Variants in CLASP1 observed in about 807,000 individuals in gnomAD.
The protein encoded by CLASP1 is cytoplasmic linker associated protein 1.
CLASP1 carries 38 observed loss-of-function variants against 192.3 expected under a neutral mutation model. The observed-to-expected ratio is 0.20, with a 90% CI of 0.15 to 0.26. The LOEUF is 0.26. Among genes scored for constraint, CLASP1 ranks in the 10% least tolerant of loss-of-function variants. The pLI, the probability that CLASP1 is intolerant of heterozygous loss-of-function variation, is 1.00. For synonymous variants in CLASP1, 691 were observed against 712.8 expected (o/e 0.97, Z 0.49); for missense variants, 1,433 against 1,932.5 (o/e 0.74, Z 4.85).
chr2:121,466,689 A>G (rs1215168007), intron 9 of CLASP1, among the ~76,000 whole-genome samples: 2 of 152,232 alleles, frequency 1.3e-5, no homozygotes, highest in Admixed American at 6.5e-5. Context: ...AACTGTCTAC[A>G]TTAGGGGTGA....
intron 2 of CLASP1, among the ~76,000 whole-genome samples, chr2:121,574,634 CAAA>C (rs1173756631): frequency 2.5e-5 from 2 of 79,024 alleles, no homozygotes; most frequent in Non-Finnish European, 5.4e-5. Flanking sequence ...GACTCCATAT[CAAA>C]AAAAAAAAAA....
At chr2:121,371,116 C>T (rs985753507) in intron 34 of CLASP1, among the ~76,000 whole-genome samples, 1 of 152,008 alleles carries the variant, frequency 6.6e-6, no homozygotes, top group Non-Finnish European at 1.5e-5. Flanking sequence ...AAAAATACAC[C>T]CTATAGTGTT....
intron 1 of CLASP1, among the ~76,000 whole-genome samples, chr2:121,606,761 A>G (rs1447792515): frequency 1.3e-5 from 2 of 152,248 alleles, no homozygotes; most frequent in African/African-American, 4.8e-5. Flanking sequence ...AAAGAAAGAC[A>G]CAAAAAGAGA....
intron 18 of CLASP1, among the ~76,000 whole-genome samples, chr2:121,447,791 G>A (rs1574942758): frequency 1.3e-5 from 2 of 152,058 alleles, no homozygotes; most frequent in Non-Finnish European, 2.9e-5. Flanking sequence ...TGCTTACTAC[G>A]AAGAAGTGAA....
At chr2:121,595,912 ATATAC>A (rs2063083683) in intron 2 of CLASP1, among the ~76,000 whole-genome samples, 1 of 152,238 alleles carries the variant, frequency 6.6e-6, no homozygotes, top group South Asian at 2.1e-4. Flanking sequence ...ACATGGGCTT[ATATAC>A]ATGGGCTTAC....
At chr2:121,472,144 C>A (rs773840226) in intron 8 of CLASP1, among the ~76,000 whole-genome samples, 1 of 152,276 alleles carries the variant, frequency 6.6e-6, no homozygotes, top group African/African-American at 2.4e-5. Context: ...GACACTATCA[C>A]GCTTCACTCA....
At chr2:121,501,644 A>G (rs951434332) in intron 8 of CLASP1, among the ~76,000 whole-genome samples, 6 of 152,234 alleles carry the variant, frequency 3.9e-5, no homozygotes, top group Admixed American at 6.5e-5. Flanking sequence ...TTTTTAGATC[A>G]CTTTAGGTAT....
chr2:121,490,315 A>T lies in CLASP1; in HGVS notation c.712+12852T>A, dbSNP rs559663995. The T allele has an allele frequency of 3.7e-5, 17 of 454,462 alleles. No homozygotes were observed. The East Asian group carries it at 1.1e-3, about 28-fold the overall frequency. The allele number at this position is 454,462 out of a possible 1,614,324, so 28.2% of individuals were successfully genotyped here. ...ATTGTCAGTAATCCTGGTACCAAAT[A>T]AAAACACTGCTCTGAAAGCTATACC... On this transcript the variant is annotated intron_variant, in intron 8 of 39. Coordinates refer to ENST00000263710, the Ensembl canonical transcript of CLASP1.
At position 121,615,976 on chromosome 2, in the gene CLASP1, C is replaced by A. The variant is rs1157895276; in HGVS notation, c.-285-9796G>T. The stretch of plus-strand genomic sequence containing the variant: ...AGTTCAAAGCATGGGCATTTACTAA[C>A]TGAAACATGAAAATGTTTCAGCTAC... On this transcript the variant is annotated intron_variant, in intron 1 of 39. Coordinates refer to ENST00000263710, the Ensembl canonical transcript of CLASP1. Among the ~76,000 whole-genome samples, 5 of 152,216 alleles carry A rather than the reference C, an allele frequency of 3.3e-5. No individual in the cohort carries two copies. The East Asian group carries it at 9.6e-4, about 29-fold the overall frequency.
intron 19 of CLASP1, among the ~76,000 whole-genome samples, chr2:121,441,325 G>A (rs2083304239): frequency 6.6e-6 from 1 of 151,692 alleles, no homozygotes; most frequent in South Asian, 2.1e-4. Flanking sequence ...CTGCTTGGGG[G>A]CATAATTAAA....
chr2:121,613,632 A>ATT (rs2065982100), intron 1 of CLASP1, among the ~76,000 whole-genome samples: 3 of 148,604 alleles, frequency 2.0e-5, no homozygotes, highest in African/African-American at 7.6e-5. Context: ...TTTTTTTTAA[A>ATT]AAAAAAAAAT....
intron 2 of CLASP1, among the ~76,000 whole-genome samples, chr2:121,586,425 C>A (rs1398367118): frequency 6.6e-6 from 1 of 152,112 alleles, no homozygotes; most frequent in Non-Finnish European, 1.5e-5. Flanking sequence ...CTGCACCTAG[C>A]CCCTGTTCTT....
intron 30 of CLASP1, among the ~76,000 whole-genome samples, chr2:121,393,767 C>T (rs2074782724): frequency 6.6e-6 from 1 of 151,938 alleles, no homozygotes; most frequent in African/African-American, 2.4e-5. Context: ...TATTTTAATA[C>T]TGTCCTATGA....
chr2:121,496,980 AC>A, intron 8 of CLASP1, among the ~76,000 whole-genome samples: 1 of 152,338 alleles, frequency 6.6e-6, no homozygotes, highest in East Asian at 1.9e-4. Context: ...GCACAGAAAG[AC>A]AAACATCACA....
chr2:121,470,657 T>C (rs1469923181), intron 8 of CLASP1: 1 of 453,566 alleles, frequency 2.2e-6, no homozygotes, highest in East Asian at 7.0e-5. Context: ...CACTTTTTTT[T>C]GTTTGTTTGA....
rs569246426 is a variant in CLASP1 at position 121,471,629 on chromosome 2, C to A, written c.713-1669G>T. Among the ~76,000 whole-genome samples, 5 of 152,188 alleles carry A rather than the reference C, an allele frequency of 3.3e-5. No individual in the cohort carries two copies. The South Asian group carries it at 1.0e-3, about 32-fold the overall frequency. Reference sequence around the variant, plus strand: ...GACCCCAATGCTCCCTAAAACTCAACAACAATGCCCTCCAAATTACATGGT... The same window carrying A: ...GACCCCAATGCTCCCTAAAACTCAAAAACAATGCCCTCCAAATTACATGGT... On this transcript the variant is annotated intron_variant, in intron 8 of 39. Transcript: ENST00000263710.
chr2:121,390,136 T>C (rs1171508423), intron 30 of CLASP1, among the ~76,000 whole-genome samples: 1 of 152,110 alleles, frequency 6.6e-6, no homozygotes, highest in African/African-American at 2.4e-5. Flanking sequence ...TCTGAATCAG[T>C]GAGAGGTTAA....
At chr2:121,379,572 C>T (rs950619498) in intron 33 of CLASP1, among the ~76,000 whole-genome samples, 5 of 151,832 alleles carry the variant, frequency 3.3e-5, no homozygotes, top group Admixed American at 6.6e-5. Context: ...AATATATATA[C>T]AAGATGTAAA....
rs57121399 is a variant in CLASP1 at position 121,346,191 on chromosome 2, A to C, written c.4530+847T>G. On this transcript the variant is annotated intron_variant, in intron 39 of 39. Coordinates refer to ENST00000263710, the Ensembl canonical transcript of CLASP1. Reference sequence around the variant, plus strand: ...CGTTTGATAGAGTGGTTTGTATAAAAAGGTGGGGATTTTAAACTCCACAGA... The same window carrying C: ...CGTTTGATAGAGTGGTTTGTATAAACAGGTGGGGATTTTAAACTCCACAGA... 6.5e-3 allele frequency among the ~76,000 whole-genome samples: 993 copies of C among 152,298 alleles called. 9 individuals are homozygous for C. Among genetic ancestry groups the C allele is most frequent in the African/African-American group, 0.023 (945 of 41,572 alleles).
Sources: gnomAD v4.1 joint callset for allele counts (sites outside exome capture counted in the v4.1 genomes callset) on GRCh38, gnomAD v4.1.1 for gene constraint, MANE v1.5 for transcripts, NCBI Gene and HGNC (gene_info 2026-07-23, HGNC 2026-07-21) for gene names.